FOXN3: variants seen among roughly 807,000 people sequenced by gnomAD.
FOXN3 encodes forkhead box N3.
A neutral mutation model predicts 38.4 loss-of-function variants in FOXN3; 7 were observed. The ratio of observed to expected loss-of-function variants is 0.18; its 90% CI spans 0.10 to 0.34. FOXN3 has a LOEUF of 0.34. Among genes scored for constraint, FOXN3 ranks in the 10% least tolerant of loss-of-function variants. The pLI, the probability that FOXN3 is intolerant of heterozygous loss-of-function variation, is 1.00. For synonymous variants in FOXN3, 230 were observed against 242.2 expected (o/e 0.95, Z 0.47); for missense variants, 456 against 613.4 (o/e 0.74, Z 2.71).
At chr14:89,561,437 C>G in intron 1 of FOXN3, among the ~76,000 whole-genome samples, 1 of 152,196 alleles carries the variant, frequency 6.6e-6, no homozygotes, top group Non-Finnish European at 1.5e-5. Context: ...GTCTCAAACT[C>G]CTGACTTCAG....
At chr14:89,440,421 C>T (rs1892358094) in intron 1 of FOXN3, among the ~76,000 whole-genome samples, 2 of 152,116 alleles carry the variant, frequency 1.3e-5, no homozygotes, top group Admixed American at 1.3e-4. Context: ...CACGTATAGG[C>T]CCAGATGGCC....
At chr14:89,360,749 C>CAGCACCACCACCACCACT (rs1889482978) in intron 2 of FOXN3, among the ~76,000 whole-genome samples, 3 of 123,984 alleles carry the variant, frequency 2.4e-5, no homozygotes, top group Non-Finnish European at 5.0e-5. Context: ...GCACCACCTC[C>CAGCACCACCACCACCACT]ACCACCACCT....
At chr14:89,244,016 A>C (rs1365969491) in intron 4 of FOXN3, among the ~76,000 whole-genome samples, 1 of 152,238 alleles carries the variant, frequency 6.6e-6, no homozygotes, top group Non-Finnish European at 1.5e-5. Flanking sequence ...ACTGATGCTA[A>C]GGTGGCTTTG....
At chr14:89,460,771 C>T (rs1399323907) in intron 1 of FOXN3, among the ~76,000 whole-genome samples, 1 of 152,188 alleles carries the variant, frequency 6.6e-6, no homozygotes, top group Non-Finnish European at 1.5e-5. Context: ...TGACTCACAA[C>T]TGTAATCCCA....
intron 4 of FOXN3, among the ~76,000 whole-genome samples, chr14:89,225,606 AAAAAATAAAAAT>A (rs922488536): frequency 6.6e-6 from 1 of 152,192 alleles, no homozygotes; most frequent in Non-Finnish European, 1.5e-5. Flanking sequence ...TCCGTCTCAA[AAAAAATAAAAAT>A]AAAAATAAAA....
chr14:89,313,923 C>G (rs564969510), intron 3 of FOXN3, among the ~76,000 whole-genome samples: 1 of 152,040 alleles, frequency 6.6e-6, no homozygotes, highest in African/African-American at 2.4e-5. Context: ...ATATGAGGTA[C>G]CCAGAGTAGT....
At chr14:89,395,729 T>G (rs1457490681) in intron 2 of FOXN3, among the ~76,000 whole-genome samples, 3 of 152,140 alleles carry the variant, frequency 2.0e-5, no homozygotes, top group African/African-American at 7.2e-5. Flanking sequence ...AGGAGTAGTG[T>G]AATTACCTTA....
intron 5 of FOXN3, among the ~76,000 whole-genome samples, chr14:89,173,754 G>A (rs1887449146): frequency 6.6e-6 from 1 of 152,214 alleles, no homozygotes; most frequent in South Asian, 2.1e-4. Context: ...ACTTTGGGAG[G>A]CTGAGGTGTG....
At chr14:89,578,036 T>C (rs1895670758) in intron 1 of FOXN3, among the ~76,000 whole-genome samples, 1 of 152,124 alleles carries the variant, frequency 6.6e-6, no homozygotes, top group South Asian at 2.1e-4. Context: ...CGAAGAGAGG[T>C]GACCAACCCA....
intron 1 of FOXN3, among the ~76,000 whole-genome samples, chr14:89,492,186 A>T (rs1047228497): frequency 3.3e-5 from 5 of 152,218 alleles, no homozygotes; most frequent in Non-Finnish European, 5.9e-5. Context: ...ACAATAACAG[A>T]ACGTTATGTA....
intron 1 of FOXN3, among the ~76,000 whole-genome samples, chr14:89,459,544 A>G (rs887153772): frequency 3.9e-5 from 6 of 152,174 alleles, no homozygotes; most frequent in African/African-American, 1.4e-4. Context: ...CGAGATTAGA[A>G]TACACCACTC....
At chr14:89,422,205 G>A (rs891353677), upstream of FOXN3, among the ~76,000 whole-genome samples, 2 of 152,188 alleles carry the variant, frequency 1.3e-5, no homozygotes, top group Non-Finnish European at 2.9e-5. Flanking sequence ...GGGGTTGAGG[G>A]GGCGTCCACT....
intron 5 of FOXN3, among the ~76,000 whole-genome samples, chr14:89,173,185 GA>G (rs1320821527): frequency 3.3e-5 from 5 of 152,136 alleles, no homozygotes; most frequent in Non-Finnish European, 7.4e-5. Flanking sequence ...TATATTCAAA[GA>G]GCCCCTTAAA....
chr14:89,312,902 A>T (rs1257470213), intron 3 of FOXN3, among the ~76,000 whole-genome samples: 1 of 152,184 alleles, frequency 6.6e-6, no homozygotes, highest in Non-Finnish European at 1.5e-5. Flanking sequence ...CTGTAAGCTC[A>T]CAACCACCAC....
intron 5 of FOXN3, among the ~76,000 whole-genome samples, chr14:89,175,232 T>C (rs531528858): frequency 3.8e-4 from 58 of 152,358 alleles, no homozygotes; most frequent in African/African-American, 1.2e-3. Context: ...TTGAGGTTGC[T>C]GGAGATCCAA....
intron 4 of FOXN3, among the ~76,000 whole-genome samples, chr14:89,262,171 A>G (rs1376760544): frequency 2.0e-5 from 3 of 152,154 alleles, no homozygotes; most frequent in African/African-American, 7.2e-5. Flanking sequence ...GCTGGAAAAG[A>G]GAGCTGGACT....
chr14:89,255,331 C>T (rs959946441), intron 4 of FOXN3, among the ~76,000 whole-genome samples: 2 of 152,062 alleles, frequency 1.3e-5, no homozygotes, highest in South Asian at 2.1e-4. Context: ...ACAAGGAAAC[C>T]GGCTCTCTGT....
At chr14:89,317,919 G>A (rs548713990) in intron 3 of FOXN3, among the ~76,000 whole-genome samples, 21 of 148,840 alleles carry the variant, frequency 1.4e-4, no homozygotes, top group African/African-American at 4.0e-4. Context: ...TAGGATGCGC[G>A]CTCCTTATGG....
intron 1 of FOXN3, among the ~76,000 whole-genome samples, chr14:89,499,522 T>TA (rs1428278691): frequency 6.6e-6 from 1 of 152,076 alleles, no homozygotes. Context: ...TCAAGCCTTC[T>TA]AAGGGCCTAC....
Sources: allele counts gnomAD v4.1 joint callset (sites outside exome capture counted in the v4.1 genomes callset), GRCh38; gene constraint gnomAD v4.1.1; transcripts MANE v1.5; gene names NCBI Gene and HGNC (gene_info 2026-07-23, HGNC 2026-07-21).